PIAS1: variants seen among roughly 807,000 people sequenced by gnomAD.
PIAS1 encodes the protein E3 SUMO-protein ligase PIAS1.
Under a neutral mutation model 71.3 loss-of-function variants are expected in PIAS1, and 6 were observed. The ratio of observed to expected loss-of-function variants is 0.08; its 90% CI spans 0.05 to 0.17. PIAS1 has a LOEUF of 0.17. Ranked by LOEUF, PIAS1 falls within the 10% of genes least tolerant of loss-of-function variation. The pLI, the probability that PIAS1 is intolerant of heterozygous loss-of-function variation, is 1.00. For synonymous variants in PIAS1, 303 were observed against 292.9 expected (o/e 1.03, Z -0.35); for missense variants, 555 against 793.6 (o/e 0.70, Z 3.61).
intron 1 of PIAS1, among the ~76,000 whole-genome samples, chr15:68,058,372 C>A (rs1024494753): frequency 1.2e-4 from 19 of 152,002 alleles, no homozygotes; most frequent in African/African-American, 4.4e-4. Flanking sequence ...TCCAACAGTT[C>A]TTTGAGGTAG....
Position 68,188,632 on chromosome 15 carries a change from G to A in PIAS1, c.*797G>A, listed in dbSNP as rs190078509. On this transcript the variant is annotated 3_prime_UTR_variant, in exon 14 of 14. Coordinates refer to ENST00000249636, the MANE Select transcript of PIAS1 (RefSeq NM_016166.3). ...TTTGCTCTGTACCCCCTGAGAATAT[G>A]TTTTAGAGATATTGGAATAAAGCTG... 4 of 152,354 alleles carry A rather than the reference G, an allele frequency of 2.6e-5. No individual in the cohort carries two copies. The highest frequency in any genetic ancestry group is 2.6e-4 in the Admixed American group (4 of 15,302). The allele number at this position is 152,354 out of a possible 1,614,324, so 9.4% of individuals were successfully genotyped here.
chr15:68,165,321 A>G lies in PIAS1; in HGVS notation c.1008+517A>G, dbSNP rs1466493490. The stretch of plus-strand genomic sequence containing the variant: ...TTTTTAGTAGAGATGGGGTTTCTCC[A>G]TGTTGGTCAGGCTGGTCTCGAACTC... On this transcript the variant is annotated intron_variant, in intron 8 of 13. Transcript: ENST00000249636. Among the ~76,000 whole-genome samples the G allele has an allele frequency of 2.0e-5, 3 of 152,040 alleles. No individual in the cohort carries two copies. The East Asian group carries it at 5.8e-4, about 29-fold the overall frequency.
chr15:68,140,013 C>T (rs1222334685), intron 2 of PIAS1, among the ~76,000 whole-genome samples: 4 of 152,014 alleles, frequency 2.6e-5, no homozygotes, highest in East Asian at 1.9e-4. Flanking sequence ...TCATTTGTAA[C>T]AGCAATTAAG....
At chr15:68,087,553 G>A (rs892187859) in intron 2 of PIAS1, among the ~76,000 whole-genome samples, 1 of 152,144 alleles carries the variant, frequency 6.6e-6, no homozygotes, top group South Asian at 2.1e-4. Flanking sequence ...CTGTTTTTAT[G>A]TGGTTCTGAG....
intron 12 of PIAS1, 114 bp downstream of exon 12, chr15:68,181,468 T>G: frequency 2.1e-6 from 2 of 970,058 alleles, no homozygotes; most frequent in Non-Finnish European, 3.1e-6. Context: ...AACAGGGCCT[T>G]GGACCCAGGG....
chr15:68,148,040 C>A (rs2092820330), intron 6 of PIAS1, among the ~76,000 whole-genome samples: 1 of 152,116 alleles, frequency 6.6e-6, no homozygotes, highest in Non-Finnish European at 1.5e-5. Context: ...AGTTCATTTT[C>A]ATGAGGCCTG....
intron 1 of PIAS1, among the ~76,000 whole-genome samples, chr15:68,072,771 A>G (rs1458494534): frequency 6.6e-6 from 1 of 152,006 alleles, no homozygotes; most frequent in Non-Finnish European, 1.5e-5. Context: ...TCCCTTTTCA[A>G]ATTATTTACT....
intron 9 of PIAS1, among the ~76,000 whole-genome samples, chr15:68,175,098 A>G (rs1337892315): frequency 6.6e-6 from 1 of 152,176 alleles, no homozygotes; most frequent in African/African-American, 2.4e-5. Flanking sequence ...GTGATTGTAC[A>G]CTGTTAATAA....
chr15:68,162,584 C>T (rs2092931346), intron 7 of PIAS1, among the ~76,000 whole-genome samples: 1 of 152,140 alleles, frequency 6.6e-6, no homozygotes, highest in Non-Finnish European at 1.5e-5. Context: ...AGGCCATCAG[C>T]AAGCTGGAGA....
chr15:68,079,262 G>T (rs141558610), intron 1 of PIAS1, among the ~76,000 whole-genome samples: 1,532 of 152,140 alleles, frequency 0.01, 24 homozygotes, highest in African/African-American at 0.034. Flanking sequence ...ATTTCTATGT[G>T]TTCATTGTTC....
intron 2 of PIAS1, among the ~76,000 whole-genome samples, chr15:68,140,688 T>G (rs962015007): frequency 6.6e-6 from 1 of 152,186 alleles, no homozygotes; most frequent in Non-Finnish European, 1.5e-5. Flanking sequence ...ACTTTTTGCG[T>G]GACATATTGC....
chr15:68,163,216 C>A (rs535157554), intron 7 of PIAS1, among the ~76,000 whole-genome samples: 1 of 152,254 alleles, frequency 6.6e-6, no homozygotes, highest in East Asian at 1.9e-4. Context: ...TTTTTAAAAT[C>A]ATATTTATAA....
intron 1 of PIAS1, among the ~76,000 whole-genome samples, chr15:68,068,221 A>G (rs183326339): frequency 6.6e-6 from 1 of 152,228 alleles, no homozygotes; most frequent in Admixed American, 6.5e-5. Context: ...AAAAAATACA[A>G]AAAGTAGCTG....
intron 6 of PIAS1, among the ~76,000 whole-genome samples, chr15:68,147,604 A>G (rs981129925): frequency 4.6e-5 from 7 of 151,970 alleles, no homozygotes; most frequent in African/African-American, 1.7e-4. Context: ...TATTTCCTTT[A>G]TATAGTCTTT....
intron 2 of PIAS1, among the ~76,000 whole-genome samples, chr15:68,100,204 T>C (rs1273593197): frequency 6.6e-6 from 1 of 152,172 alleles, no homozygotes; most frequent in Non-Finnish European, 1.5e-5. Context: ...GCCTTCTCCA[T>C]TGTTAACATC....
chr15:68,124,808 T>C (rs1185177608), intron 2 of PIAS1, among the ~76,000 whole-genome samples: 3 of 152,210 alleles, frequency 2.0e-5, no homozygotes, highest in Non-Finnish European at 4.4e-5. Context: ...AAAAATCCCA[T>C]GTTCTCATAT....
At chr15:68,122,842 A>G (rs895575603) in intron 2 of PIAS1, among the ~76,000 whole-genome samples, 1 of 152,190 alleles carries the variant, frequency 6.6e-6, no homozygotes, top group African/African-American at 2.4e-5. Context: ...TTAGCAATGC[A>G]GTATCTGCAG....
At position 68,096,905 on chromosome 15, in the gene PIAS1, T is replaced by G. The variant is rs188871309; in HGVS notation, c.469+10155T>G. On this transcript the variant is annotated intron_variant, in intron 2 of 13. Coordinates refer to ENST00000249636, the MANE Select transcript of PIAS1 (RefSeq NM_016166.3). The stretch of plus-strand genomic sequence containing the variant: ...TTTTTAAATTTGAATGCCTTTCATT[T>G]TTTTGTGTGTGTGTAATTGCTCTGG... Among the ~76,000 whole-genome samples the G allele has an allele frequency of 1.9e-3, 283 of 152,342 alleles. 1 individual carries two copies. Among genetic ancestry groups the G allele is most frequent in the Non-Finnish European group, 3.5e-3 (240 of 68,018 alleles).
chr15:68,055,771 C>T, intron 1 of PIAS1: 10 of 536,754 alleles, frequency 1.9e-5, no homozygotes, highest in African/African-American at 3.9e-5. Flanking sequence ...TAATTTTTTC[C>T]CCGTTATAAT....
Sources: gnomAD v4.1 joint callset for allele counts (sites outside exome capture counted in the v4.1 genomes callset) on GRCh38, gnomAD v4.1.1 for gene constraint, MANE v1.5 for transcripts, NCBI Gene and HGNC (gene_info 2026-07-23, HGNC 2026-07-21) for gene names.